Variants in CHL1 observed in about 807,000 individuals in gnomAD.
CHL1 encodes neural cell adhesion molecule L1-like protein.
Under a neutral mutation model 141.9 loss-of-function variants are expected in CHL1, and 96 were observed. The ratio of observed to expected loss-of-function variants is 0.68; its 90% CI spans 0.57 to 0.80. CHL1 has a LOEUF of 0.80. CHL1 is among the 30% of genes least tolerant of loss of function. The probability of loss-of-function intolerance (pLI) is 0.00; values close to 1 mark genes in which losing one functional copy is unlikely to be tolerated. For synonymous variants in CHL1, 613 were observed against 502.2 expected, an observed-to-expected ratio of 1.22 and a Z score of -2.95; for missense variants, 1,820 against 1,457.2, an observed-to-expected ratio of 1.25 and a Z score of -4.05.
intron 2 of CHL1, among the ~76,000 whole-genome samples, chr3:294,556 A>G (rs541262607): frequency 6.6e-6 from 1 of 152,278 alleles, no homozygotes; most frequent in African/African-American, 2.4e-5. Flanking sequence ...TGAGAGAAAA[A>G]TCTTATCATT....
At chr3:401,302 T>C (rs1709106633) in intron 26 of CHL1, among the ~76,000 whole-genome samples, 1 of 152,220 alleles carries the variant, frequency 6.6e-6, no homozygotes, top group African/African-American at 2.4e-5. Context: ...TATTTAGTAA[T>C]TTGGTCTTCA....
intron 2 of CHL1, among the ~76,000 whole-genome samples, chr3:285,855 T>C (rs1054132210): frequency 1.3e-5 from 2 of 152,106 alleles, no homozygotes; most frequent in Non-Finnish European, 2.9e-5. Flanking sequence ...AAAATGTGCC[T>C]GCCTTGATGC....
chr3:391,100 A>G lies in CHL1; in HGVS notation c.2732A>G (p.Tyr911Cys), dbSNP rs1021839338. 4 of 1,613,860 alleles carry G rather than the reference A, an allele frequency of 2.5e-6. No individual in the cohort carries two copies. The highest frequency in any genetic ancestry group is 1.3e-5 in the African/African-American group (1 of 74,926). The stretch of plus-strand genomic sequence containing the variant: ...GAATTTCATTTAACAGTCTTAGCCT[A>G]TAACTCTAAAGGAGCTGGTCCTGAA... Reference protein sequence around the residue: ...FSEFHLTVLAYNSKGAGPESE... With the variant: ...FSEFHLTVLACNSKGAGPESE... Residue 911 changes from tyrosine to cysteine, a missense_variant, in exon 22 of 28, where the codon TAT becomes TGT. Coordinates refer to ENST00000256509, the MANE Select transcript of CHL1 (RefSeq NM_006614.4).
chr3:349,270 A>G, intron 9 of CHL1, 89 bp from the exon 10 acceptor site: 1 of 1,124,246 alleles, frequency 8.9e-7, no homozygotes, highest in South Asian at 1.4e-5. Context: ...GTGTAAAAGC[A>G]CCCTGATAAA....
intron 23 of CHL1, among the ~76,000 whole-genome samples, chr3:392,737 C>T (rs1357521990): frequency 2.0e-5 from 3 of 152,216 alleles, no homozygotes; most frequent in African/African-American, 7.2e-5. Flanking sequence ...TCCAGCAATC[C>T]AGGTCACGTA....
intron 1 of CHL1, among the ~76,000 whole-genome samples, chr3:199,197 G>A (rs977613156): frequency 3.9e-5 from 6 of 152,224 alleles, no homozygotes; most frequent in Non-Finnish European, 5.9e-5. Context: ...GCAGAACGTA[G>A]TGTATAATCA....
chr3:252,934 T>C (rs1196122836), intron 2 of CHL1, among the ~76,000 whole-genome samples: 5 of 152,136 alleles, frequency 3.3e-5, no homozygotes, highest in Non-Finnish European at 1.5e-5. Context: ...TAAATAATTA[T>C]AGTTACTGTA....
At chr3:373,208 G>A (rs12635649) in intron 15 of CHL1, among the ~76,000 whole-genome samples, 31,591 of 152,244 alleles carry the variant, frequency 0.21, 4,125 homozygotes, top group East Asian at 0.33. Context: ...AGGAGGAGAC[G>A]CTAAGTCTGC....
At chr3:312,638 A>G (rs1699844770) in intron 2 of CHL1, among the ~76,000 whole-genome samples, 1 of 152,208 alleles carries the variant, frequency 6.6e-6, no homozygotes, top group Non-Finnish European at 1.5e-5. Flanking sequence ...CTAGCCTGAT[A>G]ATCACATAAA....
Position 218,452 on chromosome 3 carries a change from A to T in CHL1, c.-175+21389A>T, listed in dbSNP as rs73088650. Among the ~76,000 whole-genome samples the T allele has an allele frequency of 2.8e-3, 420 of 152,306 alleles. 2 individuals are homozygous for T. The highest frequency in any genetic ancestry group is 9.4e-3 in the African/African-American group (390 of 41,570). On this transcript the variant is annotated intron_variant, in intron 1 of 27. Coordinates refer to ENST00000256509, the MANE Select transcript of CHL1 (RefSeq NM_006614.4). ...TTGTGTATCATATTTAAGTTTCCTC[A>T]AGTCAGTAGAGAAGATGTTACCCAC...
intron 1 of CHL1, among the ~76,000 whole-genome samples, chr3:214,742 C>T (rs1483396409): frequency 6.6e-6 from 1 of 152,036 alleles, no homozygotes; most frequent in African/African-American, 2.4e-5. Context: ...TCTACAAATA[C>T]AGAAGATATA....
intron 1 of CHL1, among the ~76,000 whole-genome samples, chr3:242,329 G>GC (rs1172471314): frequency 6.6e-6 from 1 of 151,336 alleles, no homozygotes; most frequent in Non-Finnish European, 1.5e-5. Context: ...GAGCGCGGTG[G>GC]CTCACGCCTG....
intron 11 of CHL1, among the ~76,000 whole-genome samples, chr3:356,981 G>A (rs1408424510): frequency 6.6e-6 from 1 of 152,198 alleles, no homozygotes; most frequent in Non-Finnish European, 1.5e-5. Flanking sequence ...TTGATACTAG[G>A]TAGGAGGCCA....
chr3:232,018 C>T (rs1271153306), intron 1 of CHL1, among the ~76,000 whole-genome samples: 1 of 152,112 alleles, frequency 6.6e-6, no homozygotes, highest in Admixed American at 6.6e-5. Flanking sequence ...CTCTGGATTT[C>T]CTTATATTTG....
At chr3:236,094 A>T (rs1691951544) in intron 1 of CHL1, among the ~76,000 whole-genome samples, 1 of 152,238 alleles carries the variant, frequency 6.6e-6, no homozygotes, top group Admixed American at 6.5e-5. Context: ...ATGATAAGAG[A>T]TTTGGACCTT....
At chr3:250,606 G>C (rs749325104) in intron 2 of CHL1, among the ~76,000 whole-genome samples, 3 of 152,116 alleles carry the variant, frequency 2.0e-5, no homozygotes, top group Non-Finnish European at 4.4e-5. Context: ...CCTCCTTTTA[G>C]GCCTATAGTG....
At chr3:302,567 T>G (rs1044494013) in intron 2 of CHL1, among the ~76,000 whole-genome samples, 6 of 152,248 alleles carry the variant, frequency 3.9e-5, no homozygotes, top group Admixed American at 2.0e-4. Context: ...TCTGTTCATA[T>G]CCTTTGCCCA....
rs751826837 is a variant in CHL1 at position 382,133 on chromosome 3, G to T, written c.1877-46G>T. 4 of 1,527,612 alleles carry T rather than the reference G, an allele frequency of 2.6e-6. No homozygotes were observed. The African/African-American group carries it at 4.1e-5, about 16-fold the overall frequency. The allele number at this position is 1,527,612 out of a possible 1,614,324, so 94.6% of individuals were successfully genotyped here. A position where few individuals can be genotyped will look rare whatever the true frequency, so the allele number is the denominator to read the frequency against. On this transcript the variant is annotated intron_variant, in intron 16 of 27. Coordinates refer to ENST00000256509, the MANE Select transcript of CHL1 (RefSeq NM_006614.4). Reference sequence around the variant, plus strand: ...CAATGTGTCTGAGGAAGGGAATCAGGTAAACAAAGGCAATTATCTACATTT... The same window carrying T: ...CAATGTGTCTGAGGAAGGGAATCAGTTAAACAAAGGCAATTATCTACATTT...
In CHL1 at chr3:271,868, A is replaced by T. The variant is rs149259144; in HGVS notation, c.-95+27176A>T. 1.7e-3 allele frequency among the ~76,000 whole-genome samples: 255 copies of T among 152,334 alleles called. 3 individuals carry two copies. The highest frequency in any genetic ancestry group is 0.013 in the East Asian group (66 of 5,192). ...CACATGTGATGTTTGAAGCACTCTT[A>T]TGAAAAGTCATCTTTCATGTTAAGT... On this transcript the variant is annotated intron_variant, in intron 2 of 27. Transcript: ENST00000256509.
Sources: allele counts gnomAD v4.1 joint callset (sites outside exome capture counted in the v4.1 genomes callset), GRCh38; gene constraint gnomAD v4.1.1; transcripts MANE v1.5; gene names NCBI Gene and HGNC (gene_info 2026-07-23, HGNC 2026-07-21).